Variants in NAALADL2 observed in about 807,000 individuals in gnomAD.
The protein encoded by NAALADL2 is N-acetylated alpha-linked acidic dipeptidase like 2.
NAALADL2 carries 76 observed loss-of-function variants against 87.2 expected under a neutral mutation model. That is an observed-to-expected ratio of 0.87 (90% CI 0.72 to 1.05). The LOEUF is 1.05. Ranked by LOEUF, NAALADL2 falls within the 50% of genes least tolerant of loss-of-function variation. NAALADL2 has a pLI of 0.00. For synonymous variants in NAALADL2, 354 were observed against 331.0 expected, an observed-to-expected ratio of 1.07 and a Z score of -0.75; for missense variants, 1,089 against 945.8, an observed-to-expected ratio of 1.15 and a Z score of -1.99.
intron 10 of NAALADL2, among the ~76,000 whole-genome samples, chr3:175,596,179 A>G (rs1157504877): frequency 1.3e-5 from 2 of 151,960 alleles, no homozygotes; most frequent in Non-Finnish European, 2.9e-5. Flanking sequence ...TGTTCCAGTT[A>G]GCTGAGTTCA....
chr3:175,207,858 T>A (rs1741176357), intron 2 of NAALADL2, among the ~76,000 whole-genome samples: 1 of 152,078 alleles, frequency 6.6e-6, no homozygotes, highest in African/African-American at 2.4e-5. Context: ...ATATGATAAA[T>A]AAAAGGAGTG....
chr3:175,374,893 TAAATA>T (rs1467628513), intron 5 of NAALADL2, among the ~76,000 whole-genome samples: 1 of 149,318 alleles, frequency 6.7e-6, no homozygotes, highest in Admixed American at 6.6e-5. Flanking sequence ...AATAAATAAA[TAAATA>T]AATAAATAAA....
chr3:175,335,695 T>C (rs998878317), intron 5 of NAALADL2, among the ~76,000 whole-genome samples: 1 of 152,228 alleles, frequency 6.6e-6, no homozygotes, highest in Non-Finnish European at 1.5e-5. Context: ...TTCAGTACCA[T>C]ACAATTTCAT....
In NAALADL2 at chr3:175,423,018, GA is replaced by G. The variant is rs1218647180; in HGVS notation, c.1091-24200del. 3.7e-3 allele frequency among the ~76,000 whole-genome samples: 231 copies of G among 61,608 alleles called. 7 individuals are homozygous for G. The highest frequency in any genetic ancestry group is 0.017 in the African/African-American group (211 of 12,710). The allele number at this position is 61,608 out of a possible 152,430, so 40.4% of individuals were successfully genotyped here. On this transcript the variant is annotated intron_variant, in intron 5 of 13. Transcript: ENST00000454872. ...AAAGAGATGGCTCCCAGGTCCTTAA[GA>G]AAAAAAAAAATATATATATATATAT...
At chr3:175,131,333 G>A (rs1727817815) in intron 2 of NAALADL2, among the ~76,000 whole-genome samples, 2 of 152,040 alleles carry the variant, frequency 1.3e-5, no homozygotes, top group Admixed American at 1.3e-4. Context: ...GGATACTTGA[G>A]ATTAGGGAGT....
chr3:174,987,827 T>TATATATATATATATATAA (rs1222203525), intron 1 of NAALADL2, among the ~76,000 whole-genome samples: 6 of 130,528 alleles, frequency 4.6e-5, no homozygotes, highest in African/African-American at 1.5e-4. Flanking sequence ...TATATATATA[T>TATATATATATATATATAA]AATGAGACCT....
In NAALADL2 at chr3:174,499,715, A is replaced by C. The variant is rs182334316; in HGVS notation, c.-183-50854A>C. Among the ~76,000 whole-genome samples the C allele has an allele frequency of 2.0e-3, 311 of 152,154 alleles. 2 individuals carry two copies. The highest frequency in any genetic ancestry group is 6.9e-3 in the African/African-American group (288 of 41,546). ...CTAAATTGTCTTTTTTTTAATTGGT[A>C]AAGAAATCAGTTGTTCCTGTATATG... On this transcript the variant is annotated intron_variant, in intron 1 of 3. Transcript: ENST00000434257.
intron 3 of NAALADL2, among the ~76,000 whole-genome samples, chr3:174,745,174 AAAT>A (rs555849966): frequency 7.2e-5 from 11 of 151,778 alleles, no homozygotes; most frequent in Admixed American, 4.6e-4. Flanking sequence ...TTTTTGAAAA[AAAT>A]AATAAAATAG....
At chr3:175,458,301 T>A (rs996145252) in intron 6 of NAALADL2, among the ~76,000 whole-genome samples, 1 of 151,810 alleles carries the variant, frequency 6.6e-6, no homozygotes, top group African/African-American at 2.4e-5. Flanking sequence ...ATATTACATT[T>A]GTATGTAAGT....
At chr3:174,723,082 G>A (rs960327162) in intron 2 of NAALADL2, among the ~76,000 whole-genome samples, 23 of 151,848 alleles carry the variant, frequency 1.5e-4, no homozygotes, top group Admixed American at 1.3e-3. Flanking sequence ...CCATATTGTA[G>A]TCAGAGAGAG....
chr3:175,610,776 A>G (rs1243212681), intron 10 of NAALADL2, among the ~76,000 whole-genome samples: 5 of 152,090 alleles, frequency 3.3e-5, no homozygotes, highest in African/African-American at 1.2e-4. Flanking sequence ...GTTTAATAAG[A>G]TCCACTAATA....
At chr3:174,513,879 A>C (rs1719760629) in intron 1 of NAALADL2, among the ~76,000 whole-genome samples, 2 of 152,114 alleles carry the variant, frequency 1.3e-5, no homozygotes, top group Admixed American at 1.3e-4. Flanking sequence ...CCAGATTTTA[A>C]TTTTGCCACT....
chr3:175,687,875 C>G (rs1339555455), intron 11 of NAALADL2, among the ~76,000 whole-genome samples: 3 of 151,920 alleles, frequency 2.0e-5, no homozygotes, highest in Admixed American at 1.3e-4. Context: ...CACCTGTTCC[C>G]CCTTCGCCTT....
Position 174,580,457 on chromosome 3 carries a change from T to C in NAALADL2, c.-115+29820T>C, listed in dbSNP as rs548026061. The stretch of plus-strand genomic sequence containing the variant: ...AACTGAACATATTTAAAGTGTACAA[T>C]TGTGCAGTTTTTACTCATGTATATA... On this transcript the variant is annotated intron_variant, in intron 2 of 3. Coordinates refer to the NAALADL2 transcript ENST00000434257. 3.3e-5 allele frequency among the ~76,000 whole-genome samples: 5 copies of C among 152,236 alleles called. No homozygotes were observed. The East Asian group carries it at 7.7e-4, about 23-fold the overall frequency.
intron 1 of NAALADL2, among the ~76,000 whole-genome samples, chr3:175,054,699 A>T (rs4642140): frequency 0.026 from 3,927 of 152,298 alleles, 88 homozygotes; most frequent in Admixed American, 0.075. Flanking sequence ...CAAAAATGAT[A>T]TCTTAAACCT....
At chr3:174,718,064 G>A (rs1731370167) in intron 2 of NAALADL2, among the ~76,000 whole-genome samples, 1 of 152,148 alleles carries the variant, frequency 6.6e-6, no homozygotes, top group Non-Finnish European at 1.5e-5. Flanking sequence ...GGGAGGTGGA[G>A]GTTGCAGTGA....
intron 3 of NAALADL2, among the ~76,000 whole-genome samples, chr3:174,780,692 G>A (rs1238616025): frequency 6.6e-6 from 1 of 152,066 alleles, no homozygotes; most frequent in Non-Finnish European, 1.5e-5. Flanking sequence ...TCAGCATGAA[G>A]CGCTGTGGAA....
intron 2 of NAALADL2, among the ~76,000 whole-genome samples, chr3:174,554,232 A>G (rs1712477190): frequency 6.6e-6 from 1 of 152,156 alleles, no homozygotes; most frequent in African/African-American, 2.4e-5. Flanking sequence ...CTTTATACAT[A>G]AACAAAATAG....
At chr3:175,370,087 T>G (rs1422695547) in intron 5 of NAALADL2, among the ~76,000 whole-genome samples, 2 of 152,238 alleles carry the variant, frequency 1.3e-5, no homozygotes, top group African/African-American at 4.8e-5. Context: ...AAAGTAAGCC[T>G]TACTACAAAG....
Sources: allele counts gnomAD v4.1 joint callset (sites outside exome capture counted in the v4.1 genomes callset), GRCh38; gene constraint gnomAD v4.1.1; transcripts MANE v1.5; gene names NCBI Gene and HGNC (gene_info 2026-07-23, HGNC 2026-07-21).